ALPK3: variants seen among roughly 807,000 people sequenced by gnomAD.
The protein encoded by ALPK3 is alpha-protein kinase 3.
A neutral mutation model predicts 140.0 loss-of-function variants in ALPK3; 102 were observed. The ratio of observed to expected loss-of-function variants is 0.73; its 90% CI spans 0.62 to 0.86. The LOEUF (loss-of-function observed/expected upper bound fraction) is 0.86. ALPK3 is among the 40% of genes least tolerant of loss of function. ALPK3 has a pLI of 0.00. For missense variants in ALPK3, 2,254 were observed against 2,208.2 expected, an observed-to-expected ratio of 1.02 and a Z score of -0.42; for synonymous variants, 938 against 898.5, an observed-to-expected ratio of 1.04 and a Z score of -0.79.
At position 84,840,933 on chromosome 15, in the gene ALPK3, G is replaced by T; in HGVS notation, c.1653+1G>T. 1 of 1,568,976 alleles carries T rather than the reference G, an allele frequency of 6.4e-7. No individual in the cohort carries two copies. The highest frequency in any genetic ancestry group is 8.6e-7 in the Non-Finnish European group (1 of 1,158,458). On this transcript the variant is annotated splice_donor_variant, in intron 5 of 13. Coordinates refer to ENST00000258888, the MANE Select transcript of ALPK3 (RefSeq NM_020778.5). LOFTEE classifies it high-confidence loss of function. ...AGCAGGCCACAGGACTCCAGGAGAG[G>T]TAAGTGTGGGTGTTGGGTGCCTGGA... is the stretch of plus-strand genomic sequence containing the variant.
rs754705 is a variant in ALPK3 at position 84,822,714 on chromosome 15, T to C, written c.144-616T>C. 1.6e-3 allele frequency among the ~76,000 whole-genome samples: 247 copies of C among 152,274 alleles called. 5 individuals carry two copies. The East Asian group carries it at 0.038, about 23-fold the overall frequency. ...TAGCTGCCCCAGGCAAGAGAGATGATTGGGGCCTCAGGCAGAATGGGCCTT... is the reference window on the plus strand; with the variant it reads ...TAGCTGCCCCAGGCAAGAGAGATGACTGGGGCCTCAGGCAGAATGGGCCTT... On this transcript the variant is annotated intron_variant, in intron 1 of 13. Coordinates refer to ENST00000258888, the MANE Select transcript of ALPK3 (RefSeq NM_020778.5).
intron 5 of ALPK3, among the ~76,000 whole-genome samples, chr15:84,847,979 T>C (rs1488942414): frequency 3.9e-5 from 6 of 151,950 alleles, no homozygotes; most frequent in African/African-American, 9.7e-5. Flanking sequence ...AGAGAATCAC[T>C]TGAACCTAGG....
At position 84,860,017 on chromosome 15, in the gene ALPK3, T is replaced by C; in HGVS notation, c.4094-20T>C. On this transcript the variant is annotated intron_variant, in intron 8 of 13. Transcript: ENST00000258888. ...GCACAGCAGCCTGAAGGCACTGCTTTCTTCTTTTTCTGTATCTAGTGTTGT... is the reference window on the plus strand; with the variant it reads ...GCACAGCAGCCTGAAGGCACTGCTTCCTTCTTTTTCTGTATCTAGTGTTGT... 1.2e-6 allele frequency: 2 copies of C among 1,614,096 alleles called. No individual in the cohort carries two copies. The highest frequency in any genetic ancestry group is 1.7e-6 in the Non-Finnish European group (2 of 1,180,002).
At chr15:84,822,453 G>A (rs1463920755) in intron 1 of ALPK3, among the ~76,000 whole-genome samples, 1 of 152,146 alleles carries the variant, frequency 6.6e-6, no homozygotes, top group Non-Finnish European at 1.5e-5. Flanking sequence ...TGAACAGGCT[G>A]GGCTGCTGGG....
At chr15:84,831,924 T>C (rs547502471) in intron 3 of ALPK3, among the ~76,000 whole-genome samples, 13 of 152,334 alleles carry the variant, frequency 8.5e-5, no homozygotes, top group African/African-American at 3.1e-4. Flanking sequence ...ATCAGAGGGT[T>C]GGGTGGGCTC....
chr15:84,840,294 C>G lies in ALPK3; in HGVS notation c.1015C>G (p.Arg339Gly), dbSNP rs141449225. 3.1e-6 allele frequency: 5 copies of G among 1,613,954 alleles called. No individual in the cohort carries two copies. Among genetic ancestry groups the G allele is most frequent in the Non-Finnish European group, 4.2e-6 (5 of 1,180,028 alleles). ...KPELEKAAQS[R>G]RSSENCIPSS... is the part of the protein sequence containing the mutation. ...AGAGTTAGAGAAGGCAGCCCAAAGCCGCCGTTCTTCAGAAAACTGCATCCC... is the reference window on the plus strand; with the variant it reads ...AGAGTTAGAGAAGGCAGCCCAAAGCGGCCGTTCTTCAGAAAACTGCATCCC... The change falls in exon 5 of 14, where the codon CGC (arginine) becomes GGC (glycine). Residue 339 changes from arginine to glycine, a missense_variant. This residue lies in a region of ALPK3 where 2,088 missense variants were observed against 2,022.9 expected (regional missense o/e 1.03). Transcript: ENST00000258888.
At position 84,862,818 on chromosome 15, in the gene ALPK3, C is replaced by T. The variant is rs775335205; in HGVS notation, c.4313C>T (p.Ser1438Leu). The T allele has an allele frequency of 1.9e-5, 30 of 1,614,036 alleles. No individual in the cohort carries two copies. The highest frequency in any genetic ancestry group is 8.9e-5 in the East Asian group (4 of 44,882). Residue 1438 changes from serine (S) to leucine (L), a missense_variant, in exon 10 of 14, where the codon TCG becomes TTG. By Grantham distance (145) the Ser-to-Leu change is moderately radical (BLOSUM62 -2). Coordinates refer to ENST00000258888, the MANE Select transcript of ALPK3 (RefSeq NM_020778.5). ...VIYGLEPIFE[S>L]GRTCIIKVSS... is the part of the protein sequence containing the mutation. ...TACGGGCTGGAACCCATCTTCGAGT[C>T]GGGCCGCACGTGCATCATCAAGGTG... is the stretch of plus-strand genomic sequence containing the variant.
rs753047190 is a variant in ALPK3 at position 84,840,034 on chromosome 15, A to T, written c.755A>T (p.Glu252Val). The T allele has an allele frequency of 5.0e-6, 8 of 1,613,788 alleles. No homozygotes were observed. The highest frequency in any genetic ancestry group is 5.9e-6 in the Non-Finnish European group (7 of 1,179,908). ...PEGGTLAAWQ[E>V]GETETAQHSG... is the part of the protein sequence containing the mutation. Reference sequence around the variant, plus strand: ...GGTGGGACCCTGGCGGCTTGGCAGGAGGGAGAGACTGAGACTGCTCAGCAC... The same window carrying T: ...GGTGGGACCCTGGCGGCTTGGCAGGTGGGAGAGACTGAGACTGCTCAGCAC... The change falls in exon 5 of 14, where the codon GAG (glutamate) becomes GTG (valine). Residue 252 changes from glutamate (E) to valine (V), a missense_variant. Glu to Val is a moderately radical substitution (Grantham distance 121, BLOSUM62 -2). Transcript: ENST00000258888.
At chr15:84,821,986 G>A (rs1352145810) in intron 1 of ALPK3, among the ~76,000 whole-genome samples, 1 of 152,158 alleles carries the variant, frequency 6.6e-6, no homozygotes, top group Non-Finnish European at 1.5e-5. Context: ...GGAAGTAGAG[G>A]GAATCTGGTT....
At position 84,857,115 on chromosome 15, in the gene ALPK3, C is replaced by T. The variant is rs1200081854; in HGVS notation, c.2377C>T (p.Pro793Ser). The change falls in exon 6 of 14, where the codon CCC (proline) becomes TCC (serine). Residue 793 changes from proline (P) to serine (S), a missense_variant. Transcript: ENST00000258888. ...GAACCATGAGCAAACTGTGCTGGGT[C>T]CCCTGTCAGGGAACCTCATGCTCCC... ...SRNHEQTVLG[P>S]LSGNLMLPAQ... 12 of 1,614,054 alleles carry T rather than the reference C, an allele frequency of 7.4e-6. No individual in the cohort carries two copies. The highest frequency in any genetic ancestry group is 1.3e-5 in the African/African-American group (1 of 74,932).
chr15:84,817,623 G>T (rs1434071083), intron 1 of ALPK3, 28 bp downstream of exon 1: 3 of 1,475,216 alleles, frequency 2.0e-6, no homozygotes, highest in African/African-American at 2.9e-5. Context: ...GCAGGGCGGC[G>T]TCGGGCCGGC....
rs904123869 is a variant in ALPK3 at position 84,869,017 on chromosome 15, G to C, written c.*561G>C. On this transcript the variant is annotated 3_prime_UTR_variant, in exon 14 of 14. Transcript: ENST00000258888. ...GCTTATCCTGCAACTAACCATCCTT[G>C]AGCCCAGATGGGGCTCAGGGCCCTT... 1 of 158,086 alleles carries C rather than the reference G, an allele frequency of 6.3e-6. No homozygotes were observed. Among genetic ancestry groups the C allele is most frequent in the Non-Finnish European group, 1.4e-5 (1 of 71,068 alleles). 9.8% of individuals were successfully genotyped at this position (158,086 alleles called of 1,614,324 possible). A position where few individuals can be genotyped will look rare whatever the true frequency, so the allele number is the denominator to read the frequency against.
intron 7 of ALPK3, 130 bp from the exon 8 acceptor site, chr15:84,859,646 A>G: frequency 1.4e-6 from 2 of 1,393,442 alleles, no homozygotes; most frequent in South Asian, 3.0e-5. Context: ...TGGCCCTGGA[A>G]TCGCGCTGCT....
chr15:84,835,757 T>C (rs749978510), intron 3 of ALPK3, among the ~76,000 whole-genome samples: 2 of 152,296 alleles, frequency 1.3e-5, no homozygotes, highest in Non-Finnish European at 2.9e-5. Flanking sequence ...TGAGTTCAGG[T>C]GCCACTCACT....
intron 5 of ALPK3, among the ~76,000 whole-genome samples, chr15:84,841,456 G>A (rs775422752): frequency 7.9e-5 from 12 of 152,218 alleles, no homozygotes; most frequent in Non-Finnish European, 1.8e-4. Context: ...TTAACATGGC[G>A]TGATCTAGAG....
At chr15:84,867,618 T>A (rs1448176739) in intron 13 of ALPK3, among the ~76,000 whole-genome samples, 1 of 152,066 alleles carries the variant, frequency 6.6e-6, no homozygotes, top group Non-Finnish European at 1.5e-5. Flanking sequence ...TCCTCCCCTC[T>A]CGCTTGAGGA....
Position 84,858,423 on chromosome 15 carries a change from G to T in ALPK3, c.3685G>T (p.Ala1229Ser). The change falls in exon 6 of 14, where the codon GCA becomes TCA. Residue 1229 changes from alanine to serine, a missense_variant. Physicochemically the swap from Ala to Ser is moderately conservative, Grantham distance 99. Transcript: ENST00000258888. ...GGCGAGCATGCTGGAGGTGCCTCGG[G>T]CAGAGGAGGAGCTGGCGGCAGGAGA... ...RKASMLEVPRAEEELAAGDLG... is the reference protein window; with the variant it reads ...RKASMLEVPRSEEELAAGDLG... 1 of 1,561,138 alleles carries T rather than the reference G, an allele frequency of 6.4e-7. No homozygotes were observed. The highest frequency in any genetic ancestry group is 8.7e-7 in the Non-Finnish European group (1 of 1,155,692).
intron 1 of ALPK3, among the ~76,000 whole-genome samples, chr15:84,820,152 C>G (rs752029044): frequency 6.6e-6 from 1 of 151,900 alleles, no homozygotes; most frequent in Non-Finnish European, 1.5e-5. Flanking sequence ...TTTTTTGAAG[C>G]AGTTATGATT....
rs1480129398 is a variant in ALPK3 at position 84,870,950 on chromosome 15, C to T, written c.*2494C>T. 6.6e-6 allele frequency: 1 copy of T among 152,334 alleles called. No individual in the cohort carries two copies. The highest frequency in any genetic ancestry group is 1.5e-5 in the Non-Finnish European group (1 of 68,052). The allele number at this position is 152,334 out of a possible 1,614,324, so 9.4% of individuals were successfully genotyped here. ...CACATTTCTCTCTGCTTAGGGAATTCAAGATCATATCTAACTTCGAATTCC... is the reference window on the plus strand; with the variant it reads ...CACATTTCTCTCTGCTTAGGGAATTTAAGATCATATCTAACTTCGAATTCC... On this transcript the variant is annotated 3_prime_UTR_variant, in exon 14 of 14. Coordinates refer to ENST00000258888, the MANE Select transcript of ALPK3 (RefSeq NM_020778.5).
Sources: allele counts gnomAD v4.1 joint callset (sites outside exome capture counted in the v4.1 genomes callset), GRCh38; gene constraint gnomAD v4.1.1; regional missense constraint gnomAD v4.1.1; transcripts MANE v1.5; gene names NCBI Gene and HGNC (gene_info 2026-07-23, HGNC 2026-07-21).